WDHD1: variants seen among roughly 807,000 people sequenced by gnomAD.
WDHD1 encodes WD repeat and HMG-box DNA-binding protein 1.
WDHD1 carries 111 observed loss-of-function variants against 135.4 expected under a neutral mutation model. The observed-to-expected ratio is 0.82, with a 90% CI of 0.70 to 0.96. WDHD1 has a LOEUF of 0.96. Among genes scored for constraint, WDHD1 ranks in the 40% least tolerant of loss-of-function variants. The pLI, the probability that WDHD1 is intolerant of heterozygous loss-of-function variation, is 0.00. For synonymous variants in WDHD1, 434 were observed against 439.0 expected (o/e 0.99, Z 0.14); for missense variants, 1,351 against 1,336.3 (o/e 1.01, Z -0.17).
In WDHD1 at chr14:54,980,300, G is replaced by T. The variant is rs143128283; in HGVS notation, c.2063+1240C>A. Among the ~76,000 whole-genome samples, 651 of 151,874 alleles carry T rather than the reference G, an allele frequency of 4.3e-3. 16 individuals carry two copies. The South Asian group carries it at 0.067, about 16-fold the overall frequency. On this transcript the variant is annotated intron_variant, in intron 16 of 25. Coordinates refer to ENST00000360586, the MANE Select transcript of WDHD1 (RefSeq NM_007086.4). Reference sequence around the variant, plus strand: ...AATCGGGCCACTGTGCTCCAGCCTGGGTGACAGAGTGAGACTCTGTCTCAA... The same window carrying T: ...AATCGGGCCACTGTGCTCCAGCCTGTGTGACAGAGTGAGACTCTGTCTCAA...
At chr14:54,945,529 A>C (rs558606480) in intron 24 of WDHD1, among the ~76,000 whole-genome samples, 1 of 152,216 alleles carries the variant, frequency 6.6e-6, no homozygotes, top group South Asian at 2.1e-4. Flanking sequence ...CAACCAGGCA[A>C]TTTGACTCCA....
intron 24 of WDHD1, 181 bp from the exon 25 acceptor site, chr14:54,944,651 ACT>A (rs2040892618): frequency 8.7e-6 from 4 of 462,408 alleles, no homozygotes; most frequent in Admixed American, 6.1e-5. Flanking sequence ...ACAGAGTCTC[ACT>A]CTGTCACCCA....
intron 10 of WDHD1, among the ~76,000 whole-genome samples, chr14:54,999,383 T>C (rs2041942585): frequency 6.6e-6 from 1 of 152,196 alleles, no homozygotes; most frequent in Admixed American, 6.5e-5. Flanking sequence ...TGAACACAGA[T>C]GTTGAGACTA....
intron 3 of WDHD1, among the ~76,000 whole-genome samples, chr14:55,011,884 C>T (rs10139354): frequency 0.43 from 64,715 of 151,750 alleles, 15,556 homozygotes; most frequent in African/African-American, 0.66. Flanking sequence ...CAATTGTTTC[C>T]GACATTTGCT....
intron 11 of WDHD1, among the ~76,000 whole-genome samples, chr14:54,991,672 A>T (rs529320389): frequency 4.3e-4 from 66 of 152,238 alleles, no homozygotes; most frequent in African/African-American, 1.5e-3. Flanking sequence ...AAAAATATTA[A>T]TTTTATTAAA....
At chr14:54,990,402 C>G (rs1187658620) in intron 12 of WDHD1, among the ~76,000 whole-genome samples, 1 of 152,080 alleles carries the variant, frequency 6.6e-6, no homozygotes, top group Non-Finnish European at 1.5e-5. Flanking sequence ...TCGAGACCAT[C>G]CTGTCTAACA....
At chr14:55,026,178 A>G (rs2042435494) in intron 2 of WDHD1, among the ~76,000 whole-genome samples, 1 of 152,196 alleles carries the variant, frequency 6.6e-6, no homozygotes, top group African/African-American at 2.4e-5. Flanking sequence ...ATCAATCAAC[A>G]TAGAAGCGAC....
intron 15 of WDHD1, among the ~76,000 whole-genome samples, chr14:54,983,944 A>G (rs1366945970): frequency 6.6e-6 from 1 of 152,196 alleles, no homozygotes; most frequent in Non-Finnish European, 1.5e-5. Context: ...TGATTTTTAT[A>G]TCTTTTTTCA....
chr14:54,958,482 A>G (rs1261059577), intron 21 of WDHD1, among the ~76,000 whole-genome samples: 1 of 152,000 alleles, frequency 6.6e-6, no homozygotes, highest in Admixed American at 6.6e-5. Context: ...CTCACCACCC[A>G]TACATTCCTC....
intron 14 of WDHD1, among the ~76,000 whole-genome samples, 173 bp downstream of exon 14, chr14:54,986,973 A>G (rs1028066168): frequency 6.6e-6 from 1 of 152,228 alleles, no homozygotes; most frequent in South Asian, 2.1e-4. Flanking sequence ...TCTATTAAGA[A>G]ACATTTTCAT....
At chr14:55,008,190 T>G in intron 6 of WDHD1, 126 bp downstream of exon 6, 1 of 863,236 alleles carries the variant, frequency 1.2e-6, no homozygotes, top group South Asian at 2.0e-5. Flanking sequence ...ACAAAAACAG[T>G]ATTTAATGGT....
chr14:55,000,237 T>G (rs1400985358), intron 10 of WDHD1, among the ~76,000 whole-genome samples: 1 of 152,174 alleles, frequency 6.6e-6, no homozygotes, highest in Non-Finnish European at 1.5e-5. Context: ...CAGGCCAAAC[T>G]GAGACCTGAT....
At chr14:55,018,070 C>A (rs1311493540) in intron 2 of WDHD1, among the ~76,000 whole-genome samples, 3 of 152,092 alleles carry the variant, frequency 2.0e-5, no homozygotes, top group African/African-American at 7.2e-5. Flanking sequence ...ATACTTTCTC[C>A]CTCTGCTTGG....
At chr14:55,025,447 T>C (rs1489714916) in intron 2 of WDHD1, among the ~76,000 whole-genome samples, 3 of 152,154 alleles carry the variant, frequency 2.0e-5, no homozygotes, top group Non-Finnish European at 4.4e-5. Context: ...TTCCTAAGTC[T>C]CTCGTTCCAC....
intron 16 of WDHD1, among the ~76,000 whole-genome samples, chr14:54,977,463 G>A (rs1022953581): frequency 6.6e-6 from 1 of 152,172 alleles, no homozygotes; most frequent in Admixed American, 6.5e-5. Flanking sequence ...CACTTTGGGA[G>A]GCCAAGGTGG....
At chr14:54,968,389 T>C (rs935119081) in intron 16 of WDHD1, among the ~76,000 whole-genome samples, 1 of 152,130 alleles carries the variant, frequency 6.6e-6, no homozygotes. Flanking sequence ...TTTATAGCAC[T>C]AAACACCTAT....
rs779031121 is a variant in WDHD1 at position 55,026,784 on chromosome 14, G to A, written c.4C>T (p.Pro2Ser). M[P>S]ATRKPMRYGH... ...TATCTCATTGGCTTCCGTGTGGCAG[G>A]CATGTTTTCCTTTACCTATCTGAAA... The change falls in exon 2 of 26, where the codon CCT becomes TCT. Residue 2 changes from proline to serine, a missense_variant. Physicochemically the swap from Pro to Ser is moderately conservative, Grantham distance 74. This residue lies in a region of WDHD1 where 21 missense variants were observed against 40.2 expected (regional missense o/e 0.52). Transcript: ENST00000360586. 3.7e-6 allele frequency: 6 copies of A among 1,614,122 alleles called. No homozygotes were observed. Among genetic ancestry groups the A allele is most frequent in the Admixed American group, 3.3e-5 (2 of 60,034 alleles).
chr14:54,958,716 T>C (rs556549837), intron 21 of WDHD1, among the ~76,000 whole-genome samples: 8 of 152,344 alleles, frequency 5.3e-5, no homozygotes, highest in African/African-American at 1.9e-4. Flanking sequence ...TCTCTGGACC[T>C]GTGGACTCAT....
rs560852948 is a variant in WDHD1, at chr14:54,952,675, G to C, written c.3050+2886C>G. Among the ~76,000 whole-genome samples the C allele has an allele frequency of 5.3e-5, 8 of 152,230 alleles. No homozygotes were observed. In the East Asian group the frequency reaches 1.5e-3, roughly 29 times the overall value. On this transcript the variant is annotated intron_variant, in intron 24 of 25. Transcript: ENST00000360586. ...TTCATATGGAACCAAAAAAGAGCCC[G>C]CATTGCCAAGTCACTCATAAGCCAA... is the stretch of plus-strand genomic sequence containing the variant.
Sources: allele counts gnomAD v4.1 joint callset (sites outside exome capture counted in the v4.1 genomes callset), GRCh38; gene constraint gnomAD v4.1.1; regional missense constraint gnomAD v4.1.1; transcripts MANE v1.5; gene names NCBI Gene and HGNC (gene_info 2026-07-23, HGNC 2026-07-21).